The following RAB11FIP4 variants were observed in gnomAD, a reference collection of about 807,000 sequenced individuals.
RAB11FIP4 encodes the protein rab11 family-interacting protein 4.
RAB11FIP4 carries 23 observed loss-of-function variants against 74.3 expected under a neutral mutation model. The ratio of observed to expected loss-of-function variants is 0.31; its 90% CI spans 0.22 to 0.44. The LOEUF is 0.44. Among genes scored for constraint, RAB11FIP4 ranks in the 20% least tolerant of loss-of-function variants. RAB11FIP4 has a pLI of 1.00. For synonymous variants in RAB11FIP4, 360 were observed against 359.9 expected, an observed-to-expected ratio of 1.00 and a Z score of 0.00; for missense variants, 630 against 863.9, an observed-to-expected ratio of 0.73 and a Z score of 3.39.
At position 31,531,972 on chromosome 17, in the gene RAB11FIP4, G is replaced by C; in HGVS notation, c.*240G>C. 2.1e-6 allele frequency: 1 copy of C among 465,816 alleles called. No individual in the cohort carries two copies. The highest frequency in any genetic ancestry group is 3.9e-6 in the Non-Finnish European group (1 of 259,082). 28.9% of individuals were successfully genotyped at this position (465,816 alleles called of 1,614,324 possible). A position where few individuals can be genotyped will look rare whatever the true frequency, so the allele number is the denominator to read the frequency against. On this transcript the variant is annotated 3_prime_UTR_variant, in exon 15 of 15. Coordinates refer to ENST00000621161, the MANE Select transcript of RAB11FIP4 (RefSeq NM_032932.6). Reference sequence around the variant, plus strand: ...CATGCACTTTGTGGCCCCTTTGCAAGGGGCAGAGGGTACTGGAAGTGGGAG... The same window carrying C: ...CATGCACTTTGTGGCCCCTTTGCAACGGGCAGAGGGTACTGGAAGTGGGAG...
chr17:31,402,996 C>T (rs1226291880), intron 1 of RAB11FIP4, among the ~76,000 whole-genome samples: 1 of 151,938 alleles, frequency 6.6e-6, no homozygotes, highest in Admixed American at 6.6e-5. Flanking sequence ...GAGGTCATAC[C>T]CCTATTTGTG....
At chr17:31,530,021 G>A (rs2072838644) in intron 13 of RAB11FIP4, among the ~76,000 whole-genome samples, 1 of 152,208 alleles carries the variant, frequency 6.6e-6, no homozygotes, top group African/African-American at 2.4e-5. Flanking sequence ...GGTGGGTGAT[G>A]TCCCTATGCA....
intron 3 of RAB11FIP4, among the ~76,000 whole-genome samples, chr17:31,505,317 G>A (rs1007534488): frequency 7.0e-6 from 1 of 143,866 alleles, no homozygotes; most frequent in Non-Finnish European, 1.5e-5. Flanking sequence ...TGTTCTGTAT[G>A]TATCAGTCTG....
At chr17:31,432,582 A>G (rs1214708392) in intron 2 of RAB11FIP4, among the ~76,000 whole-genome samples, 2 of 150,410 alleles carry the variant, frequency 1.3e-5, no homozygotes, top group Non-Finnish European at 3.0e-5. Context: ...CTGGTCTTGA[A>G]CTCCTGAGAT....
At chr17:31,484,492 T>C (rs2071882320) in intron 3 of RAB11FIP4, among the ~76,000 whole-genome samples, 1 of 152,156 alleles carries the variant, frequency 6.6e-6, no homozygotes. Flanking sequence ...GAAGGCAGGA[T>C]TATATTTCCT....
At chr17:31,488,519 C>A (rs1408944528) in intron 3 of RAB11FIP4, 1 of 272,258 alleles carries the variant, frequency 3.7e-6, no homozygotes, top group Non-Finnish European at 6.1e-6. Flanking sequence ...TGGGGCGCCT[C>A]CCTGGGGACC....
chr17:31,447,304 C>G (rs2071476982), intron 3 of RAB11FIP4, among the ~76,000 whole-genome samples: 1 of 151,832 alleles, frequency 6.6e-6, no homozygotes, highest in African/African-American at 2.4e-5. Flanking sequence ...CAAAACAAAA[C>G]AAGACAAAAA....
intron 1 of RAB11FIP4, among the ~76,000 whole-genome samples, chr17:31,403,593 G>A (rs534311163): frequency 7.8e-4 from 118 of 151,970 alleles, no homozygotes; most frequent in African/African-American, 2.8e-3. Flanking sequence ...AAGTCCTGGG[G>A]TTACAGGCAT....
At chr17:31,464,186 G>A (rs2071661729) in intron 3 of RAB11FIP4, among the ~76,000 whole-genome samples, 1 of 151,876 alleles carries the variant, frequency 6.6e-6, no homozygotes, top group Admixed American at 6.6e-5. Flanking sequence ...TTTGAACATG[G>A]CTATGAGGAG....
intron 3 of RAB11FIP4, among the ~76,000 whole-genome samples, chr17:31,492,163 C>T (rs1597952049): frequency 6.6e-6 from 1 of 152,190 alleles, no homozygotes; most frequent in Non-Finnish European, 1.5e-5. Context: ...GCTGTCTCCT[C>T]ATCTCTTGTC....
rs139864110 is a variant in RAB11FIP4, at chr17:31,530,528, C to T, written c.1797+59C>T. 155 of 1,585,312 alleles carry T rather than the reference C, an allele frequency of 9.8e-5. 1 individual carries two copies. The Middle Eastern group carries it at 1.1e-3, about 11-fold the overall frequency. On this transcript the variant is annotated intron_variant, in intron 14 of 14. Transcript: ENST00000621161. Reference sequence around the variant, plus strand: ...GGCCGCCCTCTGTGATTCCTTCTCCCGGCCCCCACCTGCCCAGAGTGAGAA... The same window carrying T: ...GGCCGCCCTCTGTGATTCCTTCTCCTGGCCCCCACCTGCCCAGAGTGAGAA...
intron 3 of RAB11FIP4, among the ~76,000 whole-genome samples, chr17:31,436,020 C>T (rs1010419052): frequency 2.6e-5 from 4 of 152,204 alleles, no homozygotes; most frequent in Non-Finnish European, 4.4e-5. Flanking sequence ...GAAAGAGGAC[C>T]TCCACTGTGG....
At chr17:31,470,325 C>T (rs991253634) in intron 3 of RAB11FIP4, among the ~76,000 whole-genome samples, 2 of 152,216 alleles carry the variant, frequency 1.3e-5, no homozygotes, top group African/African-American at 2.4e-5. Context: ...CCTCTCCTGG[C>T]TTTCTGCTCT....
intron 3 of RAB11FIP4, among the ~76,000 whole-genome samples, chr17:31,472,327 G>C (rs1255005764): frequency 1.2e-4 from 18 of 152,198 alleles, no homozygotes; most frequent in Non-Finnish European, 1.5e-5. Context: ...CCTGGGGAGA[G>C]AGTGGCTGGT....
At chr17:31,486,081 A>G (rs900636969) in intron 3 of RAB11FIP4, among the ~76,000 whole-genome samples, 1 of 152,086 alleles carries the variant, frequency 6.6e-6, no homozygotes, top group Non-Finnish European at 1.5e-5. Flanking sequence ...TAAAAATACA[A>G]AAATTAGCTG....
intron 3 of RAB11FIP4, among the ~76,000 whole-genome samples, chr17:31,476,463 G>A (rs1597940371): frequency 6.6e-6 from 1 of 152,182 alleles, no homozygotes; most frequent in South Asian, 2.1e-4. Context: ...GGGATTATAG[G>A]TGTGAGCCAC....
intron 3 of RAB11FIP4, among the ~76,000 whole-genome samples, chr17:31,457,166 C>T (rs9909379): frequency 0.055 from 8,348 of 152,168 alleles, 286 homozygotes; most frequent in African/African-American, 0.088. Flanking sequence ...TAACAAGCAT[C>T]GTGTTTTAGG....
In RAB11FIP4 at chr17:31,537,019, C is replaced by T. The variant is rs3826456; in HGVS notation, c.*5287C>T. The T allele has an allele frequency of 1.0e-5, 4 of 399,362 alleles. No individual in the cohort carries two copies. Among genetic ancestry groups the T allele is most frequent in the East Asian group, 7.1e-5 (2 of 28,084 alleles). 24.7% of individuals were successfully genotyped at this position (399,362 alleles called of 1,614,324 possible). On this transcript the variant is annotated 3_prime_UTR_variant, in exon 15 of 15. Coordinates refer to ENST00000621161, the MANE Select transcript of RAB11FIP4 (RefSeq NM_032932.6). ...GGGGATGGCATCCAGGCCATGTCTC[C>T]TGCAGGATCCAAGTGCTGTTGTCCC...
intron 3 of RAB11FIP4, among the ~76,000 whole-genome samples, chr17:31,444,177 T>C (rs1288228501): frequency 1.3e-5 from 2 of 152,216 alleles, no homozygotes; most frequent in East Asian, 1.9e-4. Flanking sequence ...ATGGCACTTA[T>C]AAGTTCTAAA....
Sources: gnomAD v4.1 joint callset for allele counts (sites outside exome capture counted in the v4.1 genomes callset) on GRCh38, gnomAD v4.1.1 for gene constraint, MANE v1.5 for transcripts, NCBI Gene and HGNC (gene_info 2026-07-23, HGNC 2026-07-21) for gene names.